The following CCDC77 variants were observed in gnomAD, a reference collection of about 807,000 sequenced individuals.
The protein encoded by CCDC77 is coiled-coil domain-containing protein 77.
CCDC77 carries 56 observed loss-of-function variants against 66.8 expected under a neutral mutation model. The ratio of observed to expected loss-of-function variants is 0.84; its 90% CI spans 0.68 to 1.05. CCDC77 has a LOEUF of 1.05. CCDC77 is among the 50% of genes least tolerant of loss of function. CCDC77 has a pLI of 0.00. For synonymous variants in CCDC77, 196 were observed against 195.2 expected (o/e 1.00, Z -0.03); for missense variants, 570 against 576.8 (o/e 0.99, Z 0.12).
intron 5 of CCDC77, 63 bp downstream of exon 5, chr12:418,699 A>G: frequency 1.3e-6 from 2 of 1,512,816 alleles, no homozygotes; most frequent in Non-Finnish European, 1.8e-6. Context: ...TCATTCATTC[A>G]TTCATTCATT....
intron 5 of CCDC77, among the ~76,000 whole-genome samples, chr12:423,029 A>G (rs1247537910): frequency 6.8e-6 from 1 of 146,834 alleles, no homozygotes; most frequent in Non-Finnish European, 1.5e-5. Flanking sequence ...ATACCATTTT[A>G]TATTCCCACC....
intron 9 of CCDC77, 150 bp downstream of exon 9, chr12:433,472 G>T: frequency 7.0e-7 from 1 of 1,425,698 alleles, no homozygotes; most frequent in Non-Finnish European, 9.2e-7. Context: ...CCTCTACGTA[G>T]GTGAGTACCT....
intron 5 of CCDC77, among the ~76,000 whole-genome samples, chr12:424,275 G>A (rs796581362): frequency 7.2e-5 from 11 of 151,966 alleles, no homozygotes; most frequent in African/African-American, 2.7e-4. Context: ...GGCTATAGAA[G>A]TTCATTATAT....
rs144639108 is a variant in CCDC77, at chr12:411,831, C to T, written c.123C>T (p.Pro41=). Residue 41 remains proline (P), a synonymous_variant, in exon 4 of 13, where the codon CCC becomes CCT. Coordinates refer to ENST00000239830, the MANE Select transcript of CCDC77 (RefSeq NM_032358.4). Reference sequence around the variant, plus strand: ...TGGCAGATTCACTGGAGTCAACCCCCTTGCCTTCCCCCGAAGATCGTCTGG... The same window carrying T: ...TGGCAGATTCACTGGAGTCAACCCCTTTGCCTTCCCCCGAAGATCGTCTGG... ...RGMADSLEST[P]LPSPEDRLAK... 6.2e-7 allele frequency: 1 copy of T among 1,614,060 alleles called. No individual in the cohort carries two copies. The highest frequency in any genetic ancestry group is 1.3e-5 in the African/African-American group (1 of 75,014).
chr12:393,228 A>G (rs1944781648), intron 1 of CCDC77, among the ~76,000 whole-genome samples: 1 of 152,162 alleles, frequency 6.6e-6, no homozygotes, highest in Admixed American at 6.5e-5. Context: ...CTCCTGCCTC[A>G]GCCTCCCAAG....
chr12:440,365 G>A (rs540083515), intron 10 of CCDC77, among the ~76,000 whole-genome samples: 3 of 152,278 alleles, frequency 2.0e-5, no homozygotes, highest in East Asian at 1.9e-4. Flanking sequence ...TCTGAGCTCC[G>A]TTATCTGAGT....
In CCDC77 at chr12:416,938, G is replaced by A. The variant is rs142476677; in HGVS notation, c.271-1556G>A. 3.4e-3 allele frequency among the ~76,000 whole-genome samples: 468 copies of A among 138,692 alleles called. 12 individuals are homozygous for A. The East Asian group carries it at 0.086, about 25-fold the overall frequency. 91.0% of individuals were successfully genotyped at this position (138,692 alleles called of 152,430 possible). ...GCGGATCACCTGGGGTCAGGAGTTCGAGACCAGCCTGACCAACATGGCAAA... is the reference window on the plus strand; with the variant it reads ...GCGGATCACCTGGGGTCAGGAGTTCAAGACCAGCCTGACCAACATGGCAAA... On this transcript the variant is annotated intron_variant, in intron 4 of 12. Coordinates refer to ENST00000239830, the MANE Select transcript of CCDC77 (RefSeq NM_032358.4).
chr12:403,824 G>T (rs1033855398), intron 1 of CCDC77, among the ~76,000 whole-genome samples: 1 of 152,180 alleles, frequency 6.6e-6, no homozygotes, highest in Non-Finnish European at 1.5e-5. Flanking sequence ...AGGGTCTTGC[G>T]CTGTTGTCCA....
intron 2 of CCDC77, among the ~76,000 whole-genome samples, chr12:406,470 G>T (rs976587564): frequency 6.6e-6 from 1 of 152,230 alleles, no homozygotes; most frequent in African/African-American, 2.4e-5. Flanking sequence ...GATAAGAGTA[G>T]TAGGTGAGGT....
intron 5 of CCDC77, 159 bp downstream of exon 5, chr12:418,795 T>A (rs1020953120): frequency 1.0e-5 from 7 of 680,068 alleles, no homozygotes; most frequent in Non-Finnish European, 1.7e-5. Context: ...CACCTCCTGG[T>A]TCCAGCGATT....
At chr12:415,377 CAT>C (rs1169654959) in intron 4 of CCDC77, among the ~76,000 whole-genome samples, 1 of 108,360 alleles carries the variant, frequency 9.2e-6, no homozygotes, top group Non-Finnish European at 1.9e-5. Flanking sequence ...ATATAATCAA[CAT>C]AATATTATGT....
chr12:441,106 C>T, intron 12 of CCDC77, 110 bp downstream of exon 12: 1 of 1,114,668 alleles, frequency 9.0e-7, no homozygotes, highest in Non-Finnish European at 1.3e-6. Flanking sequence ...CTGGTAAACA[C>T]TAACAGATCA....
chr12:389,821 G>C (rs1430010957), intron 1 of CCDC77, among the ~76,000 whole-genome samples: 1 of 151,814 alleles, frequency 6.6e-6, no homozygotes, highest in African/African-American at 2.4e-5. Context: ...TCTTTTTTTA[G>C]CCCTTTGAAT....
chr12:396,184 G>A (rs1017100337), intron 1 of CCDC77, among the ~76,000 whole-genome samples: 6 of 152,208 alleles, frequency 3.9e-5, no homozygotes, highest in African/African-American at 1.4e-4. Flanking sequence ...CTGAGGTCAG[G>A]AGTTCGAGAC....
chr12:414,692 C>T (rs994763958), intron 4 of CCDC77, among the ~76,000 whole-genome samples: 1 of 152,124 alleles, frequency 6.6e-6, no homozygotes, highest in Non-Finnish European at 1.5e-5. Context: ...TTTCTTTATT[C>T]TTTGTCTTGG....
At chr12:429,835 G>A (rs924019048) in intron 6 of CCDC77, among the ~76,000 whole-genome samples, 1 of 152,046 alleles carries the variant, frequency 6.6e-6, no homozygotes, top group Non-Finnish European at 1.5e-5. Flanking sequence ...GCCTAGGCTG[G>A]ACTCACACTT....
chr12:413,230 G>T (rs1406379296), intron 4 of CCDC77, among the ~76,000 whole-genome samples: 1 of 147,796 alleles, frequency 6.8e-6, no homozygotes. Context: ...GAGCAACCGT[G>T]CCCGGCCTGT....
At chr12:398,853 A>G (rs1026607910), upstream of CCDC77, among the ~76,000 whole-genome samples, 3 of 151,588 alleles carry the variant, frequency 2.0e-5, no homozygotes, top group Non-Finnish European at 4.4e-5. Flanking sequence ...TTGGTCTCCC[A>G]GGCTCAAGCA....
chr12:397,632 T>G (rs541963675), upstream of CCDC77, among the ~76,000 whole-genome samples: 1 of 152,318 alleles, frequency 6.6e-6, no homozygotes, highest in South Asian at 2.1e-4. Context: ...TAAAAAAATT[T>G]ACATGCCTTA....
Sources: allele counts gnomAD v4.1 joint callset (sites outside exome capture counted in the v4.1 genomes callset), GRCh38; gene constraint gnomAD v4.1.1; transcripts MANE v1.5; gene names NCBI Gene and HGNC (gene_info 2026-07-23, HGNC 2026-07-21).